NCAM1: variants seen among roughly 807,000 people sequenced by gnomAD.
NCAM1 encodes the protein antigen recognized by monoclonal antibody 5.1H11.
Under a neutral mutation model 109.8 loss-of-function variants are expected in NCAM1, and 14 were observed. The ratio of observed to expected loss-of-function variants is 0.13; its 90% CI spans 0.08 to 0.20. NCAM1 has a LOEUF of 0.20. Among genes scored for constraint, NCAM1 ranks in the 10% least tolerant of loss-of-function variants. The pLI, the probability that NCAM1 is intolerant of heterozygous loss-of-function variation, is 1.00. For synonymous variants in NCAM1, 418 were observed against 442.9 expected (o/e 0.94, Z 0.70); for missense variants, 774 against 1,109.9 (o/e 0.70, Z 4.30).
intron 1 of NCAM1, among the ~76,000 whole-genome samples, chr11:113,073,041 G>A (rs991846409): frequency 2.1e-4 from 32 of 152,078 alleles, no homozygotes; most frequent in African/African-American, 6.7e-4. Flanking sequence ...GGCAACCGCC[G>A]TTCTACTTTC....
intron 14 of NCAM1, among the ~76,000 whole-genome samples, chr11:113,244,672 TG>T: frequency 6.6e-6 from 1 of 151,738 alleles, no homozygotes; most frequent in African/African-American, 2.4e-5. Flanking sequence ...TGTGTGTGTG[TG>T]TGTGTGTGTG....
chr11:113,243,091 T>A, intron 14 of NCAM1: 20 of 660,318 alleles, frequency 3.0e-5, no homozygotes, highest in Admixed American at 6.3e-5. Context: ...AGGAGGCTTT[T>A]CCAAATCGAC....
intron 1 of NCAM1, among the ~76,000 whole-genome samples, chr11:113,084,401 G>A (rs1469296254): frequency 6.6e-6 from 1 of 152,124 alleles, no homozygotes; most frequent in African/African-American, 2.4e-5. Flanking sequence ...TAAATGACTT[G>A]TTCAATGTAA....
At chr11:113,154,789 G>C (rs191397947) in intron 1 of NCAM1, among the ~76,000 whole-genome samples, 8 of 152,314 alleles carry the variant, frequency 5.3e-5, no homozygotes, top group African/African-American at 1.9e-4. Flanking sequence ...GAGGATAAGA[G>C]TGATGGCTTA....
chr11:113,247,594 C>A (rs949622222), intron 15 of NCAM1, among the ~76,000 whole-genome samples: 2 of 152,162 alleles, frequency 1.3e-5, no homozygotes, highest in Admixed American at 1.3e-4. Flanking sequence ...AGCTTGGCCC[C>A]AATGTAGTCC....
intron 1 of NCAM1, among the ~76,000 whole-genome samples, chr11:113,051,533 A>C (rs1555081778): frequency 1.7e-5 from 1 of 58,746 alleles, no homozygotes; most frequent in African/African-American, 3.7e-5. Context: ...ACTACCACCT[A>C]AAAAAAATAA....
intron 1 of NCAM1, among the ~76,000 whole-genome samples, chr11:113,038,127 C>T (rs1952952147): frequency 6.6e-6 from 1 of 152,146 alleles, no homozygotes; most frequent in Non-Finnish European, 1.5e-5. Context: ...TCTCCCCAGC[C>T]AAAAATGAAG....
intron 1 of NCAM1, among the ~76,000 whole-genome samples, chr11:113,095,840 C>G (rs553476587): frequency 7.9e-5 from 12 of 152,260 alleles, no homozygotes; most frequent in Non-Finnish European, 1.8e-4. Context: ...ACTGTGTGAC[C>G]TTGAGCAAAT....
At chr11:113,161,733 G>A (rs371500640) in intron 1 of NCAM1, among the ~76,000 whole-genome samples, 25 of 151,570 alleles carry the variant, frequency 1.6e-4, no homozygotes, top group African/African-American at 4.8e-4. Context: ...TTGGCTTCCC[G>A]CCCACCCCCT....
At chr11:113,145,243 A>G (rs1270624714) in intron 1 of NCAM1, among the ~76,000 whole-genome samples, 1 of 152,136 alleles carries the variant, frequency 6.6e-6, no homozygotes, top group African/African-American at 2.4e-5. Flanking sequence ...CACAAAACAG[A>G]CCTTTGTGGT....
intron 17 of NCAM1, 182 bp from the exon 18 acceptor site, chr11:113,270,006 A>G (rs1199619594): frequency 1.6e-6 from 1 of 625,274 alleles, no homozygotes; most frequent in Admixed American, 2.7e-5. Context: ...TCTGGAAGGT[A>G]TAGAAAGACC....
intron 1 of NCAM1, among the ~76,000 whole-genome samples, chr11:113,084,751 G>A (rs570713226): frequency 6.6e-6 from 1 of 152,328 alleles, no homozygotes; most frequent in South Asian, 2.1e-4. Flanking sequence ...AGCATGGGAT[G>A]TAGAACCAGA....
At chr11:113,017,087 A>T (rs1019691314) in intron 1 of NCAM1, among the ~76,000 whole-genome samples, 2 of 152,144 alleles carry the variant, frequency 1.3e-5, no homozygotes, top group Non-Finnish European at 2.9e-5. Context: ...TGTTGCAACA[A>T]CCTATGAATC....
At chr11:113,227,890 A>T (rs567106136) in intron 9 of NCAM1, among the ~76,000 whole-genome samples, 3 of 152,212 alleles carry the variant, frequency 2.0e-5, no homozygotes, top group Non-Finnish European at 2.9e-5. Flanking sequence ...ACAACCCTTC[A>T]TGCTAAAAAC....
intron 1 of NCAM1, among the ~76,000 whole-genome samples, chr11:113,101,597 T>C (rs990199116): frequency 3.3e-5 from 5 of 152,218 alleles, no homozygotes; most frequent in African/African-American, 1.2e-4. Context: ...GGATTTATGC[T>C]CATTGAATGA....
At position 113,048,053 on chromosome 11, in the gene NCAM1, T is replaced by C. The variant is rs551331137; in HGVS notation, c.52+86389T>C. Among the ~76,000 whole-genome samples, 3 of 152,130 alleles carry C rather than the reference T, an allele frequency of 2.0e-5. No homozygotes were observed. In the East Asian group the frequency reaches 5.8e-4, roughly 29 times the overall value. On this transcript the variant is annotated intron_variant, in intron 1 of 19. Coordinates refer to ENST00000316851, the MANE Select transcript of NCAM1 (RefSeq NM_181351.5). ...CACCTCTGCTTGCAATGAATCTCTCTGGGCTTCAGGTTCCATGTCTGGAAA... is the reference window on the plus strand; with the variant it reads ...CACCTCTGCTTGCAATGAATCTCTCCGGGCTTCAGGTTCCATGTCTGGAAA...
intron 15 of NCAM1, among the ~76,000 whole-genome samples, chr11:113,254,106 A>G (rs1280279697): frequency 1.3e-5 from 2 of 152,232 alleles, no homozygotes; most frequent in Non-Finnish European, 2.9e-5. Flanking sequence ...GGATATCTAT[A>G]ATGACATAGC....
At chr11:113,128,477 T>C (rs1293029925) in intron 1 of NCAM1, among the ~76,000 whole-genome samples, 1 of 152,132 alleles carries the variant, frequency 6.6e-6, no homozygotes, top group African/African-American at 2.4e-5. Flanking sequence ...ATGTTCACAG[T>C]CTAGTGAATG....
At chr11:113,211,591 A>T (rs771764635) in intron 7 of NCAM1, among the ~76,000 whole-genome samples, 3 of 152,138 alleles carry the variant, frequency 2.0e-5, no homozygotes, top group Admixed American at 6.5e-5. Flanking sequence ...GATTCTTGTG[A>T]TGCTCATGTA....
Sources: allele counts gnomAD v4.1 joint callset (sites outside exome capture counted in the v4.1 genomes callset), GRCh38; gene constraint gnomAD v4.1.1; transcripts MANE v1.5; gene names NCBI Gene and HGNC (gene_info 2026-07-23, HGNC 2026-07-21).